The following CADM2 variants were observed in gnomAD, a reference collection of about 807,000 sequenced individuals.
CADM2 encodes cell adhesion molecule 2.
CADM2 carries 12 observed loss-of-function variants against 49.8 expected under a neutral mutation model. That is an observed-to-expected ratio of 0.24 (90% CI 0.15 to 0.39). CADM2 has a LOEUF of 0.39. CADM2 is among the 10% of genes least tolerant of loss of function. CADM2 has a pLI of 1.00. For missense variants in CADM2, 378 were observed against 492.3 expected (o/e 0.77, Z 2.20); for synonymous variants, 214 against 175.4 (o/e 1.22, Z -1.74).
intron 1 of CADM2, among the ~76,000 whole-genome samples, chr3:85,325,439 T>C (rs818219): frequency 0.58 from 87,641 of 152,054 alleles, 26,863 homozygotes; most frequent in African/African-American, 0.8. Flanking sequence ...CAGCTGGGTG[T>C]GGTGGCTCAC....
At chr3:85,516,891 A>G (rs1195205104) in intron 1 of CADM2, among the ~76,000 whole-genome samples, 1 of 152,058 alleles carries the variant, frequency 6.6e-6, no homozygotes, top group Non-Finnish European at 1.5e-5. Context: ...TTTATTTAAT[A>G]CCATTTACAG....
chr3:85,161,780 G>T (rs1184056819), intron 1 of CADM2, among the ~76,000 whole-genome samples: 1 of 152,124 alleles, frequency 6.6e-6, no homozygotes, highest in Non-Finnish European at 1.5e-5. Context: ...CACTTTGGGA[G>T]GCCGAGGTGG....
intron 1 of CADM2, among the ~76,000 whole-genome samples, chr3:85,337,868 G>A (rs1576372897): frequency 6.6e-6 from 1 of 151,496 alleles, no homozygotes; most frequent in African/African-American, 2.4e-5. Flanking sequence ...TATAAATAGT[G>A]TTATGACATT....
chr3:85,258,047 C>A (rs2042929704), intron 1 of CADM2, among the ~76,000 whole-genome samples: 1 of 151,822 alleles, frequency 6.6e-6, no homozygotes, highest in Admixed American at 6.6e-5. Flanking sequence ...TGTACAAGTG[C>A]AAAAAAGGTA....
At chr3:85,603,495 T>C (rs1481421810) in intron 1 of CADM2, among the ~76,000 whole-genome samples, 9 of 151,934 alleles carry the variant, frequency 5.9e-5, no homozygotes. Context: ...TCTATCAGCC[T>C]TCTTGAATAA....
Position 85,102,830 on chromosome 3 carries a change from G to A in CADM2, c.61+143162G>A, listed in dbSNP as rs376281512. 2.0e-4 allele frequency among the ~76,000 whole-genome samples: 31 copies of A among 152,166 alleles called. No individual in the cohort carries two copies. In the East Asian group the frequency reaches 5.2e-3, roughly 26 times the overall value. On this transcript the variant is annotated intron_variant, in intron 1 of 9. Coordinates refer to ENST00000383699, the MANE Select transcript of CADM2 (RefSeq NM_001167675.2). ...ACAGCCATTCCCTGTACCTCCCATA[G>A]TAGTATATTTTACTTAAAAAAATGT...
chr3:85,291,573 G>C (rs2043797132), intron 1 of CADM2, among the ~76,000 whole-genome samples: 1 of 147,442 alleles, frequency 6.8e-6, no homozygotes, highest in East Asian at 1.9e-4. Context: ...AAGCCCATCA[G>C]ACTAACAGCG....
chr3:85,204,648 C>T (rs982687848), intron 1 of CADM2, among the ~76,000 whole-genome samples: 1 of 152,108 alleles, frequency 6.6e-6, no homozygotes, highest in Non-Finnish European at 1.5e-5. Flanking sequence ...AGTGCTAAAA[C>T]AAATTCATGG....
At chr3:85,058,630 A>C (rs566945266) in intron 1 of CADM2, among the ~76,000 whole-genome samples, 2 of 152,020 alleles carry the variant, frequency 1.3e-5, no homozygotes, top group East Asian at 3.9e-4. Flanking sequence ...GTTTTTGTAG[A>C]GATGGGGTTT....
intron 3 of CADM2, among the ~76,000 whole-genome samples, chr3:85,812,219 A>G (rs1192005181): frequency 1.3e-5 from 2 of 152,148 alleles, no homozygotes; most frequent in Non-Finnish European, 2.9e-5. Context: ...TTGTTGCATA[A>G]TAAACTATTC....
At chr3:85,429,774 T>C (rs1208361825) in intron 1 of CADM2, among the ~76,000 whole-genome samples, 1 of 152,156 alleles carries the variant, frequency 6.6e-6, no homozygotes, top group Non-Finnish European at 1.5e-5. Flanking sequence ...AGTACATCCA[T>C]TGGTCAAATC....
chr3:86,070,326 A>G lies in CADM2; in HGVS notation c.*3543A>G, dbSNP rs188721988. On this transcript the variant is annotated 3_prime_UTR_variant, in exon 10 of 10. Transcript: ENST00000383699. Reference sequence around the variant, plus strand: ...ATTGAGATTTCATATAGGCACATGTATAGCAGCTGTTTGACAGTGATGGCT... The same window carrying G: ...ATTGAGATTTCATATAGGCACATGTGTAGCAGCTGTTTGACAGTGATGGCT... 1 of 152,086 alleles carries G rather than the reference A, an allele frequency of 6.6e-6. No individual in the cohort carries two copies. The highest frequency in any genetic ancestry group is 1.9e-4 in the East Asian group (1 of 5,174). The allele number at this position is 152,086 out of a possible 1,614,324, so 9.4% of individuals were successfully genotyped here.
At chr3:85,576,780 G>C (rs1258499798) in intron 1 of CADM2, among the ~76,000 whole-genome samples, 1 of 152,006 alleles carries the variant, frequency 6.6e-6, no homozygotes. Context: ...TGGTTTGAAG[G>C]AGTCATCTAC....
At chr3:85,282,461 A>T (rs922733277) in intron 1 of CADM2, among the ~76,000 whole-genome samples, 1 of 144,452 alleles carries the variant, frequency 6.9e-6, no homozygotes, top group Non-Finnish European at 1.5e-5. Flanking sequence ...CAGTAGAGAC[A>T]GGGTTTCACT....
chr3:85,394,491 G>C (rs2034672663), intron 1 of CADM2, among the ~76,000 whole-genome samples: 1 of 152,016 alleles, frequency 6.6e-6, no homozygotes, highest in African/African-American at 2.4e-5. Context: ...ATTTTATTTA[G>C]TTTTACATGT....
intron 3 of CADM2, among the ~76,000 whole-genome samples, chr3:85,873,066 G>T (rs1358073554): frequency 1.3e-5 from 2 of 152,058 alleles, no homozygotes. Context: ...GCTGTATCAT[G>T]GCAGAAGGTA....
At chr3:85,311,258 G>T (rs1221929663) in intron 1 of CADM2, among the ~76,000 whole-genome samples, 1 of 151,880 alleles carries the variant, frequency 6.6e-6, no homozygotes, top group African/African-American at 2.4e-5. Flanking sequence ...TTTAAAGCAT[G>T]CTGTTTTGCT....
chr3:85,994,104 G>A (rs1371665609), intron 8 of CADM2: 2 of 152,192 alleles, frequency 1.3e-5, no homozygotes, highest in African/African-American at 2.4e-5. Context: ...TTCCAATAGA[G>A]GACTGTTTCA....
chr3:85,153,398 C>G (rs905691561), intron 1 of CADM2, among the ~76,000 whole-genome samples: 18 of 152,194 alleles, frequency 1.2e-4, no homozygotes, highest in Non-Finnish European at 2.6e-4. Context: ...AATGGCGCAC[C>G]AGGAGATTAT....
Sources: gnomAD v4.1 joint callset for allele counts (sites outside exome capture counted in the v4.1 genomes callset) on GRCh38, gnomAD v4.1.1 for gene constraint, MANE v1.5 for transcripts, NCBI Gene and HGNC (gene_info 2026-07-23, HGNC 2026-07-21) for gene names.